SIRPG: variants seen among roughly 807,000 people sequenced by gnomAD.
The protein encoded by SIRPG is signal regulatory protein gamma.
SIRPG carries 38 observed loss-of-function variants against 35.7 expected under a neutral mutation model. The observed-to-expected ratio is 1.06, with a 90% CI of 0.82 to 1.40. The LOEUF (loss-of-function observed/expected upper bound fraction) is 1.40, where lower values mean the gene tolerates loss of function less well. SIRPG is among the 40% of genes most tolerant of loss of function. SIRPG has a pLI of 0.00. For missense variants in SIRPG, 519 were observed against 483.0 expected, an observed-to-expected ratio of 1.07 and a Z score of -0.70; for synonymous variants, 215 against 190.4, an observed-to-expected ratio of 1.13 and a Z score of -1.06.
chr20:1,634,810 G>A (rs900813791), intron 4 of SIRPG, among the ~76,000 whole-genome samples: 6 of 151,984 alleles, frequency 3.9e-5, no homozygotes, highest in Non-Finnish European at 8.8e-5. Context: ...TTGGGAGGCT[G>A]AGGCGGGCGG....
the SIRPG span, among the ~76,000 whole-genome samples, chr20:1,663,277 C>A: frequency 6.6e-6 from 1 of 152,200 alleles, no homozygotes; most frequent in Admixed American, 6.5e-5. Context: ...CGTGCCACTG[C>A]ACTCCAGTCT....
Position 1,636,237 on chromosome 20 carries a change from C to T in SIRPG, c.699G>A (p.Leu233=). ...CAGTCCCACGAAGAGGGTCCCCCTG[C>T]AAGGTGACATGGGCCACCTCGCAGA... ...QVICEVAHVT[L]QGDPLRGTAN... Residue 233 remains leucine (L), a synonymous_variant, in exon 3 of 6, where the codon TTG becomes TTA. Coordinates refer to ENST00000303415, the MANE Select transcript of SIRPG (RefSeq NM_018556.4). 6.2e-7 allele frequency: 1 copy of T among 1,614,184 alleles called. No individual in the cohort carries two copies. Among genetic ancestry groups the T allele is most frequent in the Non-Finnish European group, 8.5e-7 (1 of 1,180,024 alleles).
the SIRPG span, among the ~76,000 whole-genome samples, chr20:1,670,498 G>A: frequency 6.6e-6 from 1 of 152,168 alleles, no homozygotes; most frequent in Non-Finnish European, 1.5e-5. Flanking sequence ...CACAACCCCT[G>A]GCATGCAGTT....
At position 1,649,326 on chromosome 20, in the gene SIRPG, G is replaced by T; in HGVS notation, c.156C>A (p.His52Gln). The T allele has an allele frequency of 6.2e-7, 1 of 1,614,182 alleles. No individual in the cohort carries two copies. The highest frequency in any genetic ancestry group is 8.5e-7 in the Non-Finnish European group (1 of 1,180,036). Residue 52 changes from histidine to glutamine, a missense_variant, in exon 2 of 6, where the codon CAC becomes CAA. Physicochemically the swap from His to Gln is conservative, Grantham distance 24 (BLOSUM62 0). Transcript: ENST00000303415. ...LVTVGKTATLHCTVTSLLPVG... is the reference protein window; with the variant it reads ...LVTVGKTATLQCTVTSLLPVG... The stretch of plus-strand genomic sequence containing the variant: ...CGGGAAGCAGGGAGGTCACAGTGCA[G>T]TGCAGAGTGGCTGTCTTTCCAACTG...
At chr20:1,660,848 G>GT (rs1270424455), upstream of SIRPG, among the ~76,000 whole-genome samples, 6 of 152,266 alleles carry the variant, frequency 3.9e-5, no homozygotes, top group South Asian at 6.2e-4. Context: ...GACTAAAGAT[G>GT]TAAGACTGTG....
chr20:1,649,324 C>A lies in SIRPG; in HGVS notation c.158G>T (p.Cys53Phe). 1 of 1,614,160 alleles carries A rather than the reference C, an allele frequency of 6.2e-7. No homozygotes were observed. The highest frequency in any genetic ancestry group is 8.5e-7 in the Non-Finnish European group (1 of 1,180,030). ...VTVGKTATLH[C>F]TVTSLLPVGP... The stretch of plus-strand genomic sequence containing the variant: ...CACGGGAAGCAGGGAGGTCACAGTG[C>A]AGTGCAGAGTGGCTGTCTTTCCAAC... The change falls in exon 2 of 6, where the codon TGC (cysteine) becomes TTC (phenylalanine). Residue 53 changes from cysteine (C) to phenylalanine (F), a missense_variant. Cys to Phe is a radical substitution (Grantham distance 205). Transcript: ENST00000303415.
At chr20:1,677,612 C>T in the SIRPG span, among the ~76,000 whole-genome samples, 37,209 of 152,060 alleles carry the variant, frequency 0.24, 5,276 homozygotes, top group East Asian at 0.59. Context: ...AATGCTGATA[C>T]GACTAATTAC....
chr20:1,667,000 C>A, the SIRPG span, among the ~76,000 whole-genome samples: 1 of 152,008 alleles, frequency 6.6e-6, no homozygotes, highest in African/African-American at 2.4e-5. Flanking sequence ...CACCCTTTAA[C>A]TCCCGAGCTC....
Position 1,636,487 on chromosome 20 carries a change from A to C in SIRPG, c.449T>G (p.Val150Gly). 2 of 1,614,174 alleles carry C rather than the reference A, an allele frequency of 1.2e-6. No homozygotes were observed. The highest frequency in any genetic ancestry group is 1.7e-6 in the Non-Finnish European group (2 of 1,179,986). ...MALGAKPSAP[V>G]VLGPAARTTP... ...GGTCCTCGCCGCAGGGCCCAATACC[A>C]CGGGGGCAGAGGGTTTGGCTACAAA... Residue 150 changes from valine (V) to glycine (G), a missense_variant, in exon 3 of 6, where the codon GTG becomes GGG. Coordinates refer to ENST00000303415, the MANE Select transcript of SIRPG (RefSeq NM_018556.4).
At chr20:1,684,956 G>A in the SIRPG span, among the ~76,000 whole-genome samples, 22 of 152,198 alleles carry the variant, frequency 1.4e-4, no homozygotes, top group African/African-American at 5.3e-4. Flanking sequence ...TGTCATTTGG[G>A]TAAAGTGTAT....
rs71193923 is a variant in SIRPG, at chr20:1,650,004, G to GTATATATATA, written c.74-606_74-597dup. ...ACTCCTGAACTCTACTTTGAAGTGT[G>GTATATATATA]TATATATATATATATATATATATGT... On this transcript the variant is annotated intron_variant, in intron 1 of 5. Coordinates refer to ENST00000303415, the MANE Select transcript of SIRPG (RefSeq NM_018556.4). 1.3e-4 allele frequency among the ~76,000 whole-genome samples: 13 copies of GTATATATATA among 98,802 alleles called. 1 individual carries two copies. The highest frequency in any genetic ancestry group is 1.1e-3 in the South Asian group (3 of 2,780). 64.8% of individuals were successfully genotyped at this position (98,802 alleles called of 152,430 possible). A position where few individuals can be genotyped will look rare whatever the true frequency, so the allele number is the denominator to read the frequency against.
intron 1 of SIRPG, 79 bp from the exon 2 acceptor site, chr20:1,649,487 T>C: frequency 7.6e-7 from 1 of 1,311,592 alleles, no homozygotes; most frequent in South Asian, 1.4e-5. Flanking sequence ...AGATATTCAG[T>C]GACTGGGTGC....
At chr20:1,659,086 C>T (rs1293339482), upstream of SIRPG, among the ~76,000 whole-genome samples, 1 of 152,194 alleles carries the variant, frequency 6.6e-6, no homozygotes, top group Non-Finnish European at 1.5e-5. Flanking sequence ...ATACTGAATG[C>T]TTGACTCATA....
At chr20:1,677,583 C>T in the SIRPG span, among the ~76,000 whole-genome samples, 1 of 152,168 alleles carries the variant, frequency 6.6e-6, no homozygotes, top group African/African-American at 2.4e-5. Flanking sequence ...GAATTTTTCA[C>T]CCATAGCATA....
chr20:1,667,300 C>T, the SIRPG span, among the ~76,000 whole-genome samples: 1 of 152,254 alleles, frequency 6.6e-6, no homozygotes, highest in Non-Finnish European at 1.5e-5. Context: ...GAGGCCATAC[C>T]ATATGGCCTA....
chr20:1,645,847 G>C (rs1190496526), intron 2 of SIRPG, among the ~76,000 whole-genome samples: 1 of 152,158 alleles, frequency 6.6e-6, no homozygotes, highest in Non-Finnish European at 1.5e-5. Context: ...CATCCTCTCC[G>C]ATCCTCACAG....
upstream of SIRPG, among the ~76,000 whole-genome samples, chr20:1,657,987 C>T (rs1274319655): frequency 6.6e-6 from 1 of 152,156 alleles, no homozygotes; most frequent in Non-Finnish European, 1.5e-5. Context: ...TGTGCTCCCT[C>T]CTCGTGTCCC....
chr20:1,658,759 G>A (rs1173379606), upstream of SIRPG, among the ~76,000 whole-genome samples: 1 of 152,134 alleles, frequency 6.6e-6, no homozygotes, highest in African/African-American at 2.4e-5. Flanking sequence ...TGAAGTGCGG[G>A]AACTCAAATG....
intron 1 of SIRPG, 115 bp downstream of exon 1, chr20:1,657,527 C>T: frequency 9.9e-7 from 1 of 1,009,876 alleles, no homozygotes; most frequent in Non-Finnish European, 1.6e-6. Flanking sequence ...GGACAATGTC[C>T]AGTCCTTGAC....
Sources: allele counts gnomAD v4.1 joint callset (sites outside exome capture counted in the v4.1 genomes callset), GRCh38; gene constraint gnomAD v4.1.1; transcripts MANE v1.5; gene names NCBI Gene and HGNC (gene_info 2026-07-23, HGNC 2026-07-21).